CDH22: variants seen among roughly 807,000 people sequenced by gnomAD.
CDH22 encodes the protein cadherin-22.
Under a neutral mutation model 58.4 loss-of-function variants are expected in CDH22, and 30 were observed. The observed-to-expected ratio is 0.51, with a 90% confidence interval of 0.38 to 0.70. CDH22 has a LOEUF of 0.70. CDH22 is among the 30% of genes least tolerant of loss of function. The pLI, the probability that CDH22 is intolerant of heterozygous loss-of-function variation, is 0.00. For synonymous variants in CDH22, 513 were observed against 558.2 expected (o/e 0.92, Z 1.14); for missense variants, 1,014 against 1,233.9 (o/e 0.82, Z 2.67).
chr20:46,275,362 G>A (rs2086512669), intron 1 of CDH22, among the ~76,000 whole-genome samples: 1 of 152,008 alleles, frequency 6.6e-6, no homozygotes, highest in South Asian at 2.1e-4. Flanking sequence ...CTTGCCATCT[G>A]ACTATCTTTG....
chr20:46,267,610 CA>C (rs1464473193), intron 1 of CDH22, among the ~76,000 whole-genome samples: 1 of 152,220 alleles, frequency 6.6e-6, no homozygotes, highest in East Asian at 1.9e-4. Context: ...TGGCGTCTCC[CA>C]ACTCTCCCAA....
Position 46,216,165 on chromosome 20 carries a change from G to T in CDH22, c.838+661C>A, listed in dbSNP as rs1025083244. 6.6e-6 allele frequency among the ~76,000 whole-genome samples: 1 copy of T among 152,154 alleles called. No individual in the cohort carries two copies. The highest frequency in any genetic ancestry group is 1.5e-5 in the Non-Finnish European group (1 of 68,018). On this transcript the variant is annotated intron_variant, in intron 5 of 11. Transcript: ENST00000537909. This position sits in a 1 kb window ranked among gnomAD's most constrained non-coding sequence, Gnocchi z 5.3. ...TGGTGGCTTCCCTGTAGTGGCTCTCGGCCTGAGCCTGGGACAGAGGGGTTG... is the reference window on the plus strand; with the variant it reads ...TGGTGGCTTCCCTGTAGTGGCTCTCTGCCTGAGCCTGGGACAGAGGGGTTG...
intron 8 of CDH22, among the ~76,000 whole-genome samples, chr20:46,195,074 T>C (rs548620338): frequency 1.3e-5 from 2 of 152,286 alleles, no homozygotes; most frequent in Admixed American, 6.5e-5. Context: ...AGCTATCTGG[T>C]AAACTAAGTA....
chr20:46,194,394 TC>T (rs1470118874), intron 8 of CDH22, among the ~76,000 whole-genome samples: 16 of 152,202 alleles, frequency 1.1e-4, no homozygotes, highest in Non-Finnish European at 2.2e-4. Flanking sequence ...TTCTCCAGCC[TC>T]CTTAGGCCTC....
At chr20:46,191,651 G>C (rs1318439114) in intron 8 of CDH22, among the ~76,000 whole-genome samples, 1 of 152,188 alleles carries the variant, frequency 6.6e-6, no homozygotes, top group Non-Finnish European at 1.5e-5. Flanking sequence ...GGGCTCAGAG[G>C]GGTGAGAAAA....
chr20:46,178,736 G>GA (rs1180203701), intron 10 of CDH22, among the ~76,000 whole-genome samples: 1 of 152,052 alleles, frequency 6.6e-6, no homozygotes, highest in Non-Finnish European at 1.5e-5. Context: ...TGGGTCCTCA[G>GA]AAGGGACTGG....
chr20:46,198,981 C>G (rs1464578929), intron 8 of CDH22, among the ~76,000 whole-genome samples: 1 of 152,194 alleles, frequency 6.6e-6, no homozygotes, highest in Non-Finnish European at 1.5e-5. Context: ...TTAGCATCAC[C>G]TGACATATTA....
At chr20:46,226,238 C>A (rs149648422) in intron 4 of CDH22, among the ~76,000 whole-genome samples, 1 of 6,052 alleles carries the variant, frequency 1.7e-4, no homozygotes, top group East Asian at 1.0e-3. Flanking sequence ...ACACCTTCTT[C>A]TTCTTCTTCT....
intron 8 of CDH22, among the ~76,000 whole-genome samples, chr20:46,190,732 T>C (rs1452300209): frequency 1.3e-5 from 2 of 152,190 alleles, no homozygotes; most frequent in Non-Finnish European, 2.9e-5. Context: ...CTTAACCGAT[T>C]CCTAAATTAA....
intron 1 of CDH22, among the ~76,000 whole-genome samples, chr20:46,263,440 A>G (rs966038523): frequency 8.1e-6 from 1 of 123,536 alleles, no homozygotes; most frequent in Admixed American, 8.1e-5. Context: ...GTGTGTGTGC[A>G]TGTGTGTGTG....
intron 1 of CDH22, among the ~76,000 whole-genome samples, chr20:46,261,195 A>C (rs1359726067): frequency 6.6e-6 from 1 of 152,208 alleles, no homozygotes; most frequent in African/African-American, 2.4e-5. Context: ...TGTAAATGAG[A>C]TGAGGCATGT....
rs114328583 is a variant in CDH22 at position 46,295,012 on chromosome 20, C to T, written c.-400+13243G>A. On this transcript the variant is annotated intron_variant, in intron 1 of 11. Transcript: ENST00000537909. The stretch of plus-strand genomic sequence containing the variant: ...CACTGTCTGGAGGGAGAGAATTCTC[C>T]GAGACCTCTTCCACGAAGGGCACAC... Among the ~76,000 whole-genome samples, 291 of 152,260 alleles carry T rather than the reference C, an allele frequency of 1.9e-3. 1 individual carries two copies. The highest frequency in any genetic ancestry group is 6.2e-3 in the African/African-American group (256 of 41,538).
rs1204356579 is a variant in CDH22 at position 46,251,506 on chromosome 20, G to C, written c.-212C>G. 1 of 415,198 alleles carries C rather than the reference G, an allele frequency of 2.4e-6. No individual in the cohort carries two copies. The highest frequency in any genetic ancestry group is 4.0e-6 in the Non-Finnish European group (1 of 251,882). 25.7% of individuals were successfully genotyped at this position (415,198 alleles called of 1,614,324 possible). ...GGCTGGAGGGGGAGGGGGCGCGGCC[G>C]CATCCGGGGCATGGACAGCCCCCGG... On this transcript the variant is annotated 5_prime_UTR_variant, in exon 2 of 12. Transcript: ENST00000537909. The surrounding 1 kb of genome is among the most constrained non-coding windows in gnomAD (Gnocchi z 6.7).
In CDH22 at chr20:46,210,091, T is replaced by G. The variant is rs1328650143; in HGVS notation, c.1286+216A>C. Reference sequence around the variant, plus strand: ...CCCTTATTGGCCTGGCTCGCCTGCCTGTCTCATTGACTGTTCTCACATCTG... The same window carrying G: ...CCCTTATTGGCCTGGCTCGCCTGCCGGTCTCATTGACTGTTCTCACATCTG... On this transcript the variant is annotated intron_variant, in intron 7 of 11. Transcript: ENST00000537909. The surrounding 1 kb of genome is among the most constrained non-coding windows in gnomAD (Gnocchi z 4.5). The G allele has an allele frequency of 2.2e-6, 1 of 450,100 alleles. No homozygotes were observed. The highest frequency in any genetic ancestry group is 4.4e-5 in the Admixed American group (1 of 22,606). The allele number at this position is 450,100 out of a possible 1,614,324, so 27.9% of individuals were successfully genotyped here.
chr20:46,267,793 CAA>C (rs112736355), intron 1 of CDH22, among the ~76,000 whole-genome samples: 135 of 152,384 alleles, frequency 8.9e-4, no homozygotes, highest in African/African-American at 3.1e-3. Context: ...TGCTTTAAAA[CAA>C]AACTCCTGGT....
intron 2 of CDH22, among the ~76,000 whole-genome samples, chr20:46,247,280 G>A (rs2086337233): frequency 6.6e-6 from 1 of 152,120 alleles, no homozygotes; most frequent in African/African-American, 2.4e-5. Flanking sequence ...ACTCCCCAAC[G>A]CCAGACTTTG....
chr20:46,196,632 G>A (rs747461715), intron 8 of CDH22, among the ~76,000 whole-genome samples: 1 of 152,204 alleles, frequency 6.6e-6, no homozygotes, highest in African/African-American at 2.4e-5. Context: ...GGGCAGCTGA[G>A]GAGAGCCGGG....
chr20:46,293,495 G>T (rs1207462172), intron 1 of CDH22, among the ~76,000 whole-genome samples: 1 of 152,054 alleles, frequency 6.6e-6, no homozygotes, highest in Non-Finnish European at 1.5e-5. Context: ...CAAGATAGGG[G>T]TGGCTGGGGG....
intron 1 of CDH22, among the ~76,000 whole-genome samples, chr20:46,295,027 G>A (rs989960927): frequency 6.6e-6 from 1 of 152,106 alleles, no homozygotes; most frequent in African/African-American, 2.4e-5. Context: ...CCTCTTCCAC[G>A]AAGGGCACAC....
Sources: allele counts gnomAD v4.1 joint callset (sites outside exome capture counted in the v4.1 genomes callset), GRCh38; gene constraint gnomAD v4.1.1; non-coding constraint Gnocchi (gnomAD v3.1); transcripts MANE v1.5; gene names NCBI Gene and HGNC (gene_info 2026-07-23, HGNC 2026-07-21).